LDLRAD4: variants seen among roughly 807,000 people sequenced by gnomAD.
LDLRAD4 encodes low density lipoprotein receptor class A domain containing 4.
Under a neutral mutation model 17.0 loss-of-function variants are expected in LDLRAD4, and 5 were observed. The observed-to-expected ratio is 0.29, with a 90% CI of 0.15 to 0.62. LDLRAD4 has a LOEUF of 0.62. Among genes scored for constraint, LDLRAD4 ranks in the 20% least tolerant of loss-of-function variants. The pLI, the probability that LDLRAD4 is intolerant of heterozygous loss-of-function variation, is 0.84. For synonymous variants in LDLRAD4, 168 were observed against 171.8 expected (o/e 0.98, Z 0.17); for missense variants, 340 against 424.7 (o/e 0.80, Z 1.75).
intron 3 of LDLRAD4, among the ~76,000 whole-genome samples, chr18:13,454,959 G>C (rs1198851170): frequency 3.9e-5 from 6 of 152,382 alleles, no homozygotes; most frequent in Admixed American, 1.3e-4. Context: ...CGCCCTGGTG[G>C]GTGCTCAGTC....
chr18:13,625,351 A>G (rs2041036204), intron 4 of LDLRAD4, among the ~76,000 whole-genome samples: 1 of 152,144 alleles, frequency 6.6e-6, no homozygotes, highest in African/African-American at 2.4e-5. Context: ...TTGGGGCAAT[A>G]GGATGGGAGT....
rs541544898 is a variant in LDLRAD4, at chr18:13,448,244, G to A, written c.181+9860G>A. On this transcript the variant is annotated intron_variant, in intron 3 of 5. Transcript: ENST00000359446. ...TGCTTAAGACGGGAATGCAGCCCGC[G>A]GGGTGACCTGCGTTAATTGTGTATA... 7.9e-5 allele frequency among the ~76,000 whole-genome samples: 12 copies of A among 152,284 alleles called. No homozygotes were observed. The East Asian group carries it at 1.2e-3, about 15-fold the overall frequency.
At chr18:13,342,477 CTTTTTTTTT>C (rs10706515) in intron 1 of LDLRAD4, among the ~76,000 whole-genome samples, 3 of 38,702 alleles carry the variant, frequency 7.8e-5, no homozygotes, top group South Asian at 1.4e-3. Context: ...GCCTTCCTGT[CTTTTTTTTT>C]TTTTTTTTTT....
intron 4 of LDLRAD4, among the ~76,000 whole-genome samples, chr18:13,625,141 C>G (rs1007844707): frequency 7.9e-5 from 12 of 152,310 alleles, no homozygotes; most frequent in Admixed American, 7.8e-4. Context: ...TGTTGGGGAG[C>G]CTCCTGTGAG....
chr18:13,356,899 C>T (rs1251908170), intron 1 of LDLRAD4, among the ~76,000 whole-genome samples: 1 of 152,110 alleles, frequency 6.6e-6, no homozygotes, highest in Non-Finnish European at 1.5e-5. Flanking sequence ...TTTGGAAGGC[C>T]GAGGTGGAGG....
chr18:13,353,407 G>A (rs1407039447), intron 1 of LDLRAD4, among the ~76,000 whole-genome samples: 1 of 152,208 alleles, frequency 6.6e-6, no homozygotes, highest in Non-Finnish European at 1.5e-5. Flanking sequence ...CAATTCCCAA[G>A]TATAGATGGT....
chr18:13,229,674 A>G (rs2041975284), intron 1 of LDLRAD4, among the ~76,000 whole-genome samples: 1 of 152,344 alleles, frequency 6.6e-6, no homozygotes, highest in East Asian at 1.9e-4. Flanking sequence ...CCCCAGGCCC[A>G]GAGGTGGTGG....
chr18:13,582,264 G>A (rs377557621), intron 3 of LDLRAD4, among the ~76,000 whole-genome samples: 1 of 152,238 alleles, frequency 6.6e-6, no homozygotes, highest in East Asian at 1.9e-4. Context: ...GGCCTAAAAG[G>A]GCAAGAGGTG....
rs577080232 is a variant in LDLRAD4, at chr18:13,386,948, A to G, written c.-382-393A>G. Among the ~76,000 whole-genome samples, 273 of 115,970 alleles carry G rather than the reference A, an allele frequency of 2.4e-3. 1 individual carries two copies. Among genetic ancestry groups the G allele is most frequent in the African/African-American group, 0.012 (256 of 21,332 alleles). 76.1% of individuals were successfully genotyped at this position (115,970 alleles called of 152,430 possible). A position where few individuals can be genotyped will look rare whatever the true frequency, so the allele number is the denominator to read the frequency against. On this transcript the variant is annotated intron_variant, in intron 1 of 5. Coordinates refer to ENST00000359446, the Ensembl canonical transcript of LDLRAD4. Reference sequence around the variant, plus strand: ...GATAGATAGATAGATAGATAGATAGATGGATGGATGGATAGATAAGATAGA... The same window carrying G: ...GATAGATAGATAGATAGATAGATAGGTGGATGGATGGATAGATAAGATAGA...
chr18:13,553,996 G>C (rs1256031334), intron 3 of LDLRAD4, among the ~76,000 whole-genome samples: 2 of 152,086 alleles, frequency 1.3e-5, no homozygotes, highest in Non-Finnish European at 2.9e-5. Context: ...TTAACTCTCA[G>C]TATGTTTTAT....
intron 3 of LDLRAD4, among the ~76,000 whole-genome samples, chr18:13,594,665 C>CAAAAAAA (rs56035558): frequency 0.016 from 476 of 29,364 alleles, 45 homozygotes; most frequent in Non-Finnish European, 0.026. Context: ...GATTCCATCT[C>CAAAAAAA]AAAAAAAAAA....
At chr18:13,448,572 T>C (rs1386089396) in intron 3 of LDLRAD4, among the ~76,000 whole-genome samples, 2 of 151,932 alleles carry the variant, frequency 1.3e-5, no homozygotes, top group Non-Finnish European at 2.9e-5. Flanking sequence ...GAAGTGAGTT[T>C]CTGCTCATGA....
intron 1 of LDLRAD4, among the ~76,000 whole-genome samples, chr18:13,243,315 C>G (rs1031299068): frequency 6.6e-6 from 1 of 152,146 alleles, no homozygotes; most frequent in African/African-American, 2.4e-5. Flanking sequence ...GTAGAGTGGA[C>G]ACTGGAATAT....
Position 13,603,773 on chromosome 18 carries a change from C to T in LDLRAD4, c.182-17344C>T, listed in dbSNP as rs576136159. ...ACGCTGAGCACGCTGCTGGGTGCCACGCCAAGTTTCACAGGCCTCACGACC... is the reference window on the plus strand; with the variant it reads ...ACGCTGAGCACGCTGCTGGGTGCCATGCCAAGTTTCACAGGCCTCACGACC... On this transcript the variant is annotated intron_variant, in intron 3 of 5. Coordinates refer to ENST00000359446, the Ensembl canonical transcript of LDLRAD4. Among the ~76,000 whole-genome samples the T allele has an allele frequency of 3.9e-4, 59 of 152,348 alleles. 2 individuals carry two copies. In the South Asian group the frequency reaches 0.01, roughly 26 times the overall value.
intron 1 of LDLRAD4, among the ~76,000 whole-genome samples, chr18:13,285,541 T>C (rs1034601351): frequency 6.6e-6 from 1 of 152,204 alleles, no homozygotes; most frequent in Non-Finnish European, 1.5e-5. Flanking sequence ...GTTGGCGTGC[T>C]TCCTGCAGGA....
chr18:13,502,735 A>G (rs1374267098), intron 3 of LDLRAD4, among the ~76,000 whole-genome samples: 1 of 152,220 alleles, frequency 6.6e-6, no homozygotes, highest in Admixed American at 6.5e-5. Context: ...GGCCACACCC[A>G]TGGACGTGAT....
intron 3 of LDLRAD4, among the ~76,000 whole-genome samples, chr18:13,483,141 T>C (rs1397995263): frequency 6.6e-6 from 1 of 152,148 alleles, no homozygotes; most frequent in Admixed American, 6.5e-5. Flanking sequence ...TCTTGGGGTG[T>C]TGTTTTCTGA....
At chr18:13,311,005 C>T (rs1035351489) in intron 1 of LDLRAD4, among the ~76,000 whole-genome samples, 44 of 151,348 alleles carry the variant, frequency 2.9e-4, no homozygotes, top group Admixed American at 5.2e-4. Flanking sequence ...TCAGCTCCCT[C>T]CTCTGTAAAA....
chr18:13,340,718 A>G (rs113851454), intron 1 of LDLRAD4, among the ~76,000 whole-genome samples: 2,115 of 152,190 alleles, frequency 0.014, 34 homozygotes, highest in African/African-American at 0.034. Flanking sequence ...GGATGCTCAA[A>G]ATTACTTAAT....
Sources: allele counts gnomAD v4.1 joint callset (sites outside exome capture counted in the v4.1 genomes callset), GRCh38; gene constraint gnomAD v4.1.1; transcripts MANE v1.5; gene names NCBI Gene and HGNC (gene_info 2026-07-23, HGNC 2026-07-21).